CFAP61: variants seen among roughly 807,000 people sequenced by gnomAD.
The protein encoded by CFAP61 is cilia and flagella associated protein 61.
Under a neutral mutation model 135.6 loss-of-function variants are expected in CFAP61, and 107 were observed. The ratio of observed to expected loss-of-function variants is 0.79; its 90% confidence interval spans 0.67 to 0.93. The LOEUF is 0.93. Among genes scored for constraint, CFAP61 ranks in the 40% least tolerant of loss-of-function variants. The probability of loss-of-function intolerance (pLI) is 0.00; values close to 1 mark genes in which losing one functional copy is unlikely to be tolerated. For synonymous variants in CFAP61, 575 were observed against 578.5 expected (o/e 0.99, Z 0.09); for missense variants, 1,507 against 1,556.2 (o/e 0.97, Z 0.53).
At chr20:20,177,306 T>A (rs78601886) in intron 13 of CFAP61, among the ~76,000 whole-genome samples, 1,754 of 125,730 alleles carry the variant, frequency 0.014, 34 homozygotes, top group African/African-American at 0.052. Context: ...ATGCTTTCAT[T>A]TGGAAAGGAA....
intron 25 of CFAP61, among the ~76,000 whole-genome samples, chr20:20,327,851 G>A (rs2057822432): frequency 7.0e-6 from 1 of 143,784 alleles, no homozygotes; most frequent in African/African-American, 2.6e-5. Flanking sequence ...CCCTATCACA[G>A]GATTTCTTGC....
intron 8 of CFAP61, among the ~76,000 whole-genome samples, chr20:20,118,358 T>C: frequency 6.8e-6 from 1 of 146,108 alleles, no homozygotes; most frequent in Non-Finnish European, 1.5e-5. Flanking sequence ...TTTTTTTTTT[T>C]AAACAGGGTT....
At chr20:20,329,632 T>C (rs2057903301) in intron 25 of CFAP61, among the ~76,000 whole-genome samples, 2 of 152,176 alleles carry the variant, frequency 1.3e-5, no homozygotes, top group Admixed American at 1.3e-4. Context: ...TGGCTTTCCA[T>C]CACTTGGGAG....
intron 9 of CFAP61, among the ~76,000 whole-genome samples, chr20:20,147,130 CT>C (rs2051956254): frequency 6.6e-6 from 1 of 152,108 alleles, no homozygotes; most frequent in South Asian, 2.1e-4. Context: ...ACCATATTTT[CT>C]TTATCTACTT....
chr20:20,278,597 G>T (rs1245324106), intron 22 of CFAP61, among the ~76,000 whole-genome samples: 1 of 152,126 alleles, frequency 6.6e-6, no homozygotes, highest in Non-Finnish European at 1.5e-5. Flanking sequence ...GCCATTTAGG[G>T]GCAGGCATTC....
chr20:20,338,454 TA>T (rs913130675), intron 25 of CFAP61, among the ~76,000 whole-genome samples: 1 of 151,996 alleles, frequency 6.6e-6, no homozygotes, highest in Admixed American at 6.6e-5. Context: ...TGCTTTTTGT[TA>T]AAAAAAATCT....
At chr20:20,227,488 C>CT (rs1205151633) in intron 17 of CFAP61, among the ~76,000 whole-genome samples, 1 of 152,200 alleles carries the variant, frequency 6.6e-6, no homozygotes, top group Non-Finnish European at 1.5e-5. Context: ...CAAGACTACT[C>CT]TATCACTTCT....
intron 19 of CFAP61, among the ~76,000 whole-genome samples, chr20:20,250,133 T>G (rs1305283756): frequency 6.6e-6 from 1 of 152,242 alleles, no homozygotes; most frequent in African/African-American, 2.4e-5. Flanking sequence ...TCTCTTTGTG[T>G]GGTAAGACCA....
chr20:20,242,334 A>G (rs1003356), intron 18 of CFAP61, among the ~76,000 whole-genome samples: 52,602 of 152,122 alleles, frequency 0.35, 9,399 homozygotes, highest in East Asian at 0.56. Context: ...CAGCTCACCC[A>G]TGAAATTTTA....
chr20:20,164,230 C>T lies in CFAP61; in HGVS notation c.1205+2C>T. 6.2e-7 allele frequency: 1 copy of T among 1,609,638 alleles called. No individual in the cohort carries two copies. The highest frequency in any genetic ancestry group is 8.5e-7 in the Non-Finnish European group (1 of 1,177,616). ...TATTGATGAGAAATATGAAGCAAGGCAAGTACTGACCTTCTGGCTGGCTGT... is the reference window on the plus strand; with the variant it reads ...TATTGATGAGAAATATGAAGCAAGGTAAGTACTGACCTTCTGGCTGGCTGT... On this transcript the variant is annotated splice_donor_variant, in intron 11 of 26. Coordinates refer to ENST00000245957, the MANE Select transcript of CFAP61 (RefSeq NM_015585.4). LOFTEE classifies it low-confidence loss of function (GC_TO_GT_DONOR).
intron 25 of CFAP61, among the ~76,000 whole-genome samples, chr20:20,322,364 T>A (rs560575232): frequency 6.6e-6 from 1 of 152,210 alleles, no homozygotes; most frequent in African/African-American, 2.4e-5. Flanking sequence ...CCAACATGAC[T>A]GTTGGGGGCC....
intron 26 of CFAP61, among the ~76,000 whole-genome samples, chr20:20,353,697 T>C (rs1242640254): frequency 2.0e-5 from 3 of 152,206 alleles, no homozygotes; most frequent in Non-Finnish European, 4.4e-5. Flanking sequence ...TCCAGGAAGC[T>C]ACGAGGACTT....
chr20:20,301,246 C>A (rs1471683917), intron 25 of CFAP61, among the ~76,000 whole-genome samples: 1 of 152,088 alleles, frequency 6.6e-6, no homozygotes, highest in Non-Finnish European at 1.5e-5. Flanking sequence ...TGTACCTTTT[C>A]TATGTTTAGA....
rs899401997 is a variant in CFAP61, at chr20:20,256,375, T to A, written c.2328+4612T>A. On this transcript the variant is annotated intron_variant, in intron 20 of 26. Transcript: ENST00000245957. ...TGGAAAAATCAGAGGAAGAACATAG[T>A]TGTGAAAATGTTGAAAAATTTAGGC... 4.7e-5 allele frequency among the ~76,000 whole-genome samples: 7 copies of A among 149,460 alleles called. No homozygotes were observed. In the Admixed American group the frequency reaches 4.7e-4, roughly 10 times the overall value.
intron 8 of CFAP61, among the ~76,000 whole-genome samples, chr20:20,109,514 G>A (rs577159607): frequency 3.3e-5 from 5 of 152,088 alleles, no homozygotes; most frequent in African/African-American, 7.2e-5. Context: ...ATTGCTGTGC[G>A]TGGTCCATTT....
intron 8 of CFAP61, among the ~76,000 whole-genome samples, chr20:20,135,809 T>G (rs969861991): frequency 2.0e-5 from 3 of 152,240 alleles, no homozygotes. Context: ...TGTGCTTTTC[T>G]GTGTATTTAC....
At chr20:20,151,559 G>A (rs1448696200) in intron 9 of CFAP61, among the ~76,000 whole-genome samples, 1 of 152,060 alleles carries the variant, frequency 6.6e-6, no homozygotes, top group Non-Finnish European at 1.5e-5. Context: ...AGGTTCAGTG[G>A]CTCATACCTG....
chr20:20,144,524 G>A (rs954898077), intron 9 of CFAP61, among the ~76,000 whole-genome samples: 2 of 151,768 alleles, frequency 1.3e-5, no homozygotes, highest in African/African-American at 4.8e-5. Context: ...TTCAAGATAC[G>A]TATCAGTGAG....
intron 2 of CFAP61, among the ~76,000 whole-genome samples, chr20:20,063,772 G>A (rs79014753): frequency 0.013 from 2,052 of 152,178 alleles, 44 homozygotes; most frequent in African/African-American, 0.047. Context: ...TTTTTTGCAG[G>A]TAATATATTC....
Sources: gnomAD v4.1 joint callset for allele counts (sites outside exome capture counted in the v4.1 genomes callset) on GRCh38, gnomAD v4.1.1 for gene constraint, MANE v1.5 for transcripts, NCBI Gene and HGNC (gene_info 2026-07-23, HGNC 2026-07-21) for gene names.